The following PNPLA6 variants were observed in gnomAD, a reference collection of about 807,000 sequenced individuals.
PNPLA6 encodes the protein patatin like domain 6, lysophospholipase.
A neutral mutation model predicts 153.7 loss-of-function variants in PNPLA6; 105 were observed. That is an observed-to-expected ratio of 0.68 (90% CI 0.58 to 0.80). PNPLA6 has a LOEUF of 0.80. Ranked by LOEUF, PNPLA6 falls within the 30% of genes least tolerant of loss-of-function variation. The pLI is 0.00. For synonymous variants in PNPLA6, 825 were observed against 822.2 expected (o/e 1.00, Z -0.06); for missense variants, 1,423 against 1,919.3 (o/e 0.74, Z 4.83).
Position 7,541,708 on chromosome 19 carries a change from C to T in PNPLA6, c.1168+24C>T. The T allele has an allele frequency of 6.4e-7, 1 of 1,554,562 alleles. No individual in the cohort carries two copies. Among genetic ancestry groups the T allele is most frequent in the Non-Finnish European group, 8.7e-7 (1 of 1,153,910 alleles). ...AGGTACCCAGGGACCCGAGGCCAGC[C>T]GAGCCCAATCTCCCAGGAAGCCCCG... On this transcript the variant is annotated intron_variant, in intron 9 of 31. Coordinates refer to ENST00000600737, the MANE Select transcript of PNPLA6 (RefSeq NM_001166114.2). The surrounding 1 kb of genome is among the most constrained non-coding windows in gnomAD (Gnocchi z 5.2).
In PNPLA6 at chr19:7,550,818, G is replaced by C. The variant is rs181063127; in HGVS notation, c.2071-176G>C. The C allele has an allele frequency of 9.2e-5, 86 of 939,836 alleles. No individual in the cohort carries two copies. The African/African-American group carries it at 1.3e-3, about 15-fold the overall frequency. The allele number at this position is 939,836 out of a possible 1,614,324, so 58.2% of individuals were successfully genotyped here. A position where few individuals can be genotyped will look rare whatever the true frequency, so the allele number is the denominator to read the frequency against. On this transcript the variant is annotated intron_variant, in intron 16 of 31. Transcript: ENST00000600737. ...TTGGAAAAAGGGGATTCCGCCTGTC[G>C]TGGATCCCTGTCCTCTCCCTCTCCC...
chr19:7,535,230 G>A (rs2022791750), upstream of PNPLA6: 3 of 556,436 alleles, frequency 5.4e-6, no homozygotes, highest in Admixed American at 6.1e-5. The surrounding 1 kb of genome is among the most constrained non-coding windows in gnomAD (Gnocchi z 5.0). Flanking sequence ...CTTTGGCCCC[G>A]GGGTGGGGTT....
rs62111288 is a variant in PNPLA6, at chr19:7,550,002, C to G, written c.1704C>G (p.Pro568=). 20,583 of 1,614,022 alleles carry G rather than the reference C, an allele frequency of 0.013. 155 individuals carry two copies. Among genetic ancestry groups the G allele is most frequent in the Non-Finnish European group, 0.015 (17,397 of 1,180,030 alleles). Residue 568 remains proline, a synonymous_variant, in exon 14 of 32, where the codon CCC becomes CCG. Transcript: ENST00000600737. The stretch of plus-strand genomic sequence containing the variant: ...ACGTGTGCCTGTTCGTAGCGCAGCC[C>G]GGGGAACTGGTGGGGCAGCTGGCGG... ...AEDVCLFVAQ[P]GELVGQLAVL...
chr19:7,546,697 C>G (rs2023400680), intron 13 of PNPLA6, among the ~76,000 whole-genome samples: 1 of 152,126 alleles, frequency 6.6e-6, no homozygotes, highest in African/African-American at 2.4e-5. Flanking sequence ...GCATGAGCCA[C>G]TGCACCCGGC....
rs1237846526 is a variant in PNPLA6 at position 7,541,465 on chromosome 19, G to A, written c.1005+31G>A. On this transcript the variant is annotated intron_variant, in intron 8 of 31. Coordinates refer to ENST00000600737, the MANE Select transcript of PNPLA6 (RefSeq NM_001166114.2). This position sits in a 1 kb window ranked among gnomAD's most constrained non-coding sequence, Gnocchi z 5.2. The stretch of plus-strand genomic sequence containing the variant: ...TGGGTGGCGGGGAGCGAGCACAGGG[G>A]GGATGGGGGCGAGGTCTCCCTCCCA... 1 of 1,612,898 alleles carries A rather than the reference G, an allele frequency of 6.2e-7. No individual in the cohort carries two copies. The highest frequency in any genetic ancestry group is 1.1e-5 in the South Asian group (1 of 90,994).
In PNPLA6 at chr19:7,540,733, AG is replaced by A. The variant is rs773929560; in HGVS notation, c.795+29del. 46 of 1,600,364 alleles carry A rather than the reference AG, an allele frequency of 2.9e-5. No individual in the cohort carries two copies. The highest frequency in any genetic ancestry group is 3.9e-5 in the Non-Finnish European group (45 of 1,167,628). On this transcript the variant is annotated intron_variant, in intron 6 of 31. Coordinates refer to ENST00000600737, the MANE Select transcript of PNPLA6 (RefSeq NM_001166114.2). This position sits in a 1 kb window ranked among gnomAD's most constrained non-coding sequence, Gnocchi z 6.8. Reference sequence around the variant, plus strand: ...ACCGTGAGTGACCAGTTTCTGAGGCAGGGGGGCTGGGGTGCAAGGTCCCACC... The same window carrying A: ...ACCGTGAGTGACCAGTTTCTGAGGCAGGGGGCTGGGGTGCAAGGTCCCACC...
chr19:7,556,053 C>CT lies in PNPLA6; in HGVS notation c.3093+317dup, dbSNP rs33951220. Among the ~76,000 whole-genome samples, 403 of 60,326 alleles carry CT rather than the reference C, an allele frequency of 6.7e-3. 36 individuals are homozygous for CT. The highest frequency in any genetic ancestry group is 9.6e-3 in the Non-Finnish European group (321 of 33,288). 39.6% of individuals were successfully genotyped at this position (60,326 alleles called of 152,430 possible). On this transcript the variant is annotated intron_variant, in intron 24 of 31. Coordinates refer to ENST00000600737, the MANE Select transcript of PNPLA6 (RefSeq NM_001166114.2). ...ATGACCACATCATCCCTAAGTGTTCCTTTTTTTTTTTTTTTTTTTTTTTTT... is the reference window on the plus strand; with the variant it reads ...ATGACCACATCATCCCTAAGTGTTCCTTTTTTTTTTTTTTTTTTTTTTTTTT...
chr19:7,553,758 TG>T, intron 18 of PNPLA6, 116 bp from the exon 19 acceptor site: 1 of 1,370,132 alleles, frequency 7.3e-7, no homozygotes, highest in Non-Finnish European at 1.0e-6. Flanking sequence ...GGCTGCAGTC[TG>T]GGAGCACAGG....
At position 7,556,930 on chromosome 19, in the gene PNPLA6, G is replaced by A. The variant is rs114611948; in HGVS notation, c.3280+206G>A. On this transcript the variant is annotated intron_variant, in intron 26 of 31. Coordinates refer to ENST00000600737, the MANE Select transcript of PNPLA6 (RefSeq NM_001166114.2). ...TTGGGGGAGGGGAGCAGGGAGACTC[G>A]TCGGACGCCTTACCCCCCTCACGCC... The A allele has an allele frequency of 8.1e-3, 5,538 of 685,292 alleles. 212 individuals carry two copies. In the African/African-American group the frequency reaches 0.084, roughly 10 times the overall value. The allele number at this position is 685,292 out of a possible 1,614,324, so 42.5% of individuals were successfully genotyped here.
At chr19:7,550,787 AT>A (rs1193895767) in intron 16 of PNPLA6, 147 bp downstream of exon 16, 4 of 1,101,014 alleles carry the variant, frequency 3.6e-6, no homozygotes, top group Middle Eastern at 2.8e-4. Flanking sequence ...CCCAGACCTC[AT>A]TTCGTTGGAA....
In PNPLA6 at chr19:7,561,519, G is replaced by A. The variant is rs746687452; in HGVS notation, c.4055G>A (p.Arg1352His). Residue 1352 changes from arginine to histidine, a missense_variant, in exon 32 of 32, where the codon CGC becomes CAC. Transcript: ENST00000600737. ...GAGAAGTCGATTCTCCGGCAACGAC[G>A]CTGTCTGCCCCAGGAGCCGCCCGGC... The part of the protein sequence containing the change: ...EEEKSILRQR[R>H]CLPQEPPGSA... The A allele has an allele frequency of 4.4e-5, 71 of 1,608,708 alleles. No homozygotes were observed. The highest frequency in any genetic ancestry group is 6.7e-5 in the African/African-American group (5 of 74,844).
intron 27 of PNPLA6, among the ~76,000 whole-genome samples, chr19:7,558,225 A>C (rs2023967109): frequency 6.6e-6 from 1 of 152,220 alleles, no homozygotes; most frequent in Admixed American, 6.5e-5. Context: ...AGAAGTGTGC[A>C]TATATGAACA....
chr19:7,551,997 C>T (rs752494829), intron 18 of PNPLA6, among the ~76,000 whole-genome samples: 8 of 152,096 alleles, frequency 5.3e-5, no homozygotes, highest in Non-Finnish European at 8.8e-5. Flanking sequence ...GTCTCAGCCA[C>T]TCAGGAGGCT....
intron 13 of PNPLA6, 141 bp downstream of exon 13, chr19:7,543,225 C>CCTCT (rs1001586065): frequency 1.2e-6 from 1 of 808,228 alleles, no homozygotes; most frequent in African/African-American, 1.7e-5. Flanking sequence ...TCATTTCCAA[C>CCTCT]CTCTAACCCT....
chr19:7,552,755 C>CAAAAAAAAAA (rs561292553), intron 18 of PNPLA6, among the ~76,000 whole-genome samples: 2 of 43,888 alleles, frequency 4.6e-5, no homozygotes, highest in Non-Finnish European at 1.2e-4. Context: ...AACTCCATCT[C>CAAAAAAAAAA]AAAAAAAAAA....
upstream of PNPLA6, chr19:7,535,620 G>A (rs763048106): frequency 3.2e-6 from 5 of 1,586,768 alleles, no homozygotes; most frequent in Non-Finnish European, 4.3e-6. This position sits in a 1 kb window ranked among gnomAD's most constrained non-coding sequence, Gnocchi z 5.0. Flanking sequence ...GGCGTGGGGC[G>A]CCAAGAGGAC....
In PNPLA6 at chr19:7,542,607, T is replaced by C. The variant is rs757243999; in HGVS notation, c.1299T>C (p.Arg433=). The change falls in exon 11 of 32, where the codon CGT becomes CGC. Residue 433 remains arginine (R), a synonymous_variant. Transcript: ENST00000600737. ...CCGACTTCGACATGGCCTATGAGCG[T>C]GGCCGGATCTCCGTGTCCCTGCAGG... ...PRSDFDMAYE[R]GRISVSLQEE... 8.1e-6 allele frequency: 13 copies of C among 1,613,562 alleles called. No homozygotes were observed. The highest frequency in any genetic ancestry group is 1.1e-5 in the Non-Finnish European group (13 of 1,180,008).
Position 7,553,764 on chromosome 19 carries a change from C to A in PNPLA6, c.2261-111C>A, listed in dbSNP as rs887698942. ...GCAACTGGGGGCTGCAGTCTGGGAG[C>A]ACAGGAGCAAGAATTTCAGATAAGG... On this transcript the variant is annotated intron_variant, in intron 18 of 31. Transcript: ENST00000600737. 8.5e-6 allele frequency: 12 copies of A among 1,418,768 alleles called. No individual in the cohort carries two copies. The African/African-American group carries it at 1.7e-4, about 20-fold the overall frequency. 87.9% of individuals were successfully genotyped at this position (1,418,768 alleles called of 1,614,324 possible).
At chr19:7,553,370 G>A (rs1324945234) in intron 18 of PNPLA6, among the ~76,000 whole-genome samples, 11 of 152,222 alleles carry the variant, frequency 7.2e-5, no homozygotes, top group African/African-American at 2.7e-4. Context: ...TCCTGCCTCA[G>A]CCTCCCAAGT....
Sources: allele counts gnomAD v4.1 joint callset (sites outside exome capture counted in the v4.1 genomes callset), GRCh38; gene constraint gnomAD v4.1.1; non-coding constraint Gnocchi (gnomAD v3.1); transcripts MANE v1.5; gene names NCBI Gene and HGNC (gene_info 2026-07-23, HGNC 2026-07-21).